Variants in SYT3 observed in about 807,000 individuals in gnomAD.
SYT3 encodes the protein synaptotagmin 3, also known as synaptotagmin-3.
In SYT3, 25 loss-of-function variants were observed where a neutral mutation model predicts 50.6. That is an observed-to-expected ratio of 0.49 (90% CI 0.36 to 0.69). The LOEUF (loss-of-function observed/expected upper bound fraction) is 0.69, where lower values mean the gene tolerates loss of function less well. SYT3 is among the 30% of genes least tolerant of loss of function. SYT3 has a pLI of 0.00. For synonymous variants in SYT3, 323 were observed against 353.9 expected (o/e 0.91, Z 0.98); for missense variants, 589 against 793.6 (o/e 0.74, Z 3.10).
intron 9 of SYT3, 176 bp downstream of exon 9, chr19:50,624,986 C>T: frequency 1.9e-6 from 1 of 523,000 alleles, no homozygotes; most frequent in East Asian, 3.4e-5. Context: ...TAAATTGAGG[C>T]ACAGAGCGCT....
chr19:50,623,836 T>A (rs182548058), intron 9 of SYT3, among the ~76,000 whole-genome samples: 2,046 of 150,792 alleles, frequency 0.014, 18 homozygotes, highest in Middle Eastern at 0.028. Context: ...TGCAAGATTT[T>A]AAAAAAAATC....
chr19:50,632,664 T>A lies in SYT3; in HGVS notation c.296A>T (p.Asp99Val), dbSNP rs780441588. Residue 99 changes from aspartate (D) to valine (V), a missense_variant, in exon 4 of 11, where the codon GAC becomes GTC. Coordinates refer to ENST00000600079, the MANE Select transcript of SYT3 (RefSeq NM_001160329.2). The surrounding 1 kb of genome is among the most constrained non-coding windows in gnomAD (Gnocchi z 4.7). ...TGCCAGCCCGACACCAGGGCCTAGGTCTTTGCGCAGGGGGCCACCGCCCAC... is the reference window on the plus strand; with the variant it reads ...TGCCAGCCCGACACCAGGGCCTAGGACTTTGCGCAGGGGGCCACCGCCCAC... Reference protein sequence around the residue: ...SAVGGGPLRKDLGPGVGLAGL... With the variant: ...SAVGGGPLRKVLGPGVGLAGL... 1 of 1,591,084 alleles carries A rather than the reference T, an allele frequency of 6.3e-7. No individual in the cohort carries two copies. The highest frequency in any genetic ancestry group is 1.7e-5 in the Admixed American group (1 of 58,954).
In SYT3 at chr19:50,632,880, A is replaced by G; in HGVS notation, c.149-69T>C. 1 of 1,322,974 alleles carries G rather than the reference A, an allele frequency of 7.6e-7. No individual in the cohort carries two copies. Among genetic ancestry groups the G allele is most frequent in the Non-Finnish European group, 1.0e-6 (1 of 1,003,494 alleles). 82.0% of individuals were successfully genotyped at this position (1,322,974 alleles called of 1,614,324 possible). On this transcript the variant is annotated intron_variant, in intron 3 of 10. Coordinates refer to ENST00000600079, the MANE Select transcript of SYT3 (RefSeq NM_001160329.2). The surrounding 1 kb of genome is among the most constrained non-coding windows in gnomAD (Gnocchi z 4.7). ...AGTACATCCTCCCTCTGCTGTCCCC[A>G]AAGAGTTAACCCTTCATATTTGCCA...
chr19:50,634,620 A>G (rs796510965), intron 3 of SYT3, among the ~76,000 whole-genome samples: 8 of 114,054 alleles, frequency 7.0e-5, no homozygotes, highest in African/African-American at 2.4e-4. Context: ...GTCTTGCTCT[A>G]TCATCCAGGC....
At chr19:50,630,421 C>T (rs2123009486) in intron 4 of SYT3, among the ~76,000 whole-genome samples, 1 of 128,360 alleles carries the variant, frequency 7.8e-6, no homozygotes, top group South Asian at 2.8e-4. Flanking sequence ...TTCCTTCCTT[C>T]CTTCTTTCCT....
Position 50,637,066 on chromosome 19 carries a change from G to A in SYT3, c.148+198C>T, listed in dbSNP as rs528391268. ...GTGGTAGTCGGAGGGAGGCCCACAGGGCAAAACTCAAAAAGCAGACCACAC... is the reference window on the plus strand; with the variant it reads ...GTGGTAGTCGGAGGGAGGCCCACAGAGCAAAACTCAAAAAGCAGACCACAC... On this transcript the variant is annotated intron_variant, in intron 3 of 10. Transcript: ENST00000600079. This position sits in a 1 kb window ranked among gnomAD's most constrained non-coding sequence, Gnocchi z 4.9. Among the ~76,000 whole-genome samples, 128 of 152,194 alleles carry A rather than the reference G, an allele frequency of 8.4e-4. No individual in the cohort carries two copies. The highest frequency in any genetic ancestry group is 3.1e-3 in the South Asian group (15 of 4,808).
At chr19:50,642,155 C>G (rs1451263239), upstream of SYT3, among the ~76,000 whole-genome samples, 1 of 152,168 alleles carries the variant, frequency 6.6e-6, no homozygotes, top group East Asian at 1.9e-4. Flanking sequence ...GAAGCATGTG[C>G]GGGTGTAAAC....
At chr19:50,653,681 AGCACAC>A in the SYT3 span, among the ~76,000 whole-genome samples, 1 of 120,646 alleles carries the variant, frequency 8.3e-6, no homozygotes, top group Admixed American at 1.0e-4. Context: ...AATGAGAGAC[AGCACAC>A]ACACACACAC....
At chr19:50,655,132 C>G in the SYT3 span, among the ~76,000 whole-genome samples, 93,007 of 151,994 alleles carry the variant, frequency 0.61, 29,778 homozygotes, top group Middle Eastern at 0.7. Context: ...GCCACACTTA[C>G]CTGCAAGGGA....
upstream of SYT3, among the ~76,000 whole-genome samples, chr19:50,641,261 G>C (rs961155092): frequency 1.0e-4 from 14 of 138,390 alleles, no homozygotes; most frequent in African/African-American, 3.3e-4. Context: ...CTCACTGAAA[G>C]CTCCGCCTCC....
the SYT3 span, among the ~76,000 whole-genome samples, chr19:50,654,240 T>C: frequency 2.0e-5 from 3 of 152,138 alleles, no homozygotes; most frequent in African/African-American, 7.2e-5. Context: ...TTTTCTTTTC[T>C]CCCTTGCTCC....
chr19:50,656,087 G>A, the SYT3 span: 6 of 1,536,054 alleles, frequency 3.9e-6, no homozygotes, highest in African/African-American at 8.2e-5. Context: ...CAGAGGAGAT[G>A]CAGGCTCGGA....
At chr19:50,640,722 G>GAA (rs1377157438), upstream of SYT3, among the ~76,000 whole-genome samples, 1 of 150,836 alleles carries the variant, frequency 6.6e-6, no homozygotes, top group African/African-American at 2.5e-5. Flanking sequence ...AATAGCTGAT[G>GAA]AGAAAAAAAA....
At chr19:50,652,602 T>C in the SYT3 span, among the ~76,000 whole-genome samples, 2 of 152,190 alleles carry the variant, frequency 1.3e-5, no homozygotes, top group African/African-American at 4.8e-5. Context: ...GTTTTTGGAC[T>C]GCAGCAGGTG....
Position 50,629,475 on chromosome 19 carries a change from G to A in SYT3, c.1100C>T (p.Thr367Met), listed in dbSNP as rs751298710. The A allele has an allele frequency of 5.6e-6, 9 of 1,613,990 alleles. 1 individual carries two copies. The highest frequency in any genetic ancestry group is 4.4e-5 in the South Asian group (4 of 91,074). ...GGCCAGGGGCACCGAGAATTGAAAC[G>A]TCTCATTGAAGACGGGGTTCAGGGT... is the stretch of plus-strand genomic sequence containing the variant. ...RKTLNPVFNETFQFSVPLAEL... is the reference protein window; with the variant it reads ...RKTLNPVFNEMFQFSVPLAEL... The change falls in exon 6 of 11, where the codon ACG (threonine) becomes ATG (methionine). Residue 367 changes from threonine to methionine, a missense_variant. Physicochemically the swap from Thr to Met is moderately conservative, Grantham distance 81. Transcript: ENST00000600079.
At chr19:50,623,396 A>G (rs1179101057) in intron 9 of SYT3, among the ~76,000 whole-genome samples, 1 of 152,150 alleles carries the variant, frequency 6.6e-6, no homozygotes, top group Non-Finnish European at 1.5e-5. Flanking sequence ...CAGCAGGGCC[A>G]GACTAAATCT....
chr19:50,653,921 C>A, the SYT3 span, among the ~76,000 whole-genome samples: 1 of 151,720 alleles, frequency 6.6e-6, no homozygotes, highest in African/African-American at 2.4e-5. Context: ...GTAGATGGAG[C>A]TAATGCTGGG....
In SYT3 at chr19:50,629,513, CTGG is replaced by C. The variant is rs775828310; in HGVS notation, c.1063-4_1063-2del. The C allele has an allele frequency of 1.9e-6, 3 of 1,612,116 alleles. No homozygotes were observed. Among genetic ancestry groups the C allele is most frequent in the Admixed American group, 1.7e-5 (1 of 59,818 alleles). On this transcript the variant is annotated splice_acceptor_variant and splice_polypyrimidine_tract_variant and intron_variant, in intron 5 of 10. Transcript: ENST00000600079. LOFTEE classifies it high-confidence loss of function. ...CGGGGTTCAGGGTCTTCCTGTGCAC[CTGG>C]TGGTGGTGGGCGACAGGAGACAGAC... is the stretch of plus-strand genomic sequence containing the variant.
At chr19:50,646,635 A>G in the SYT3 span, among the ~76,000 whole-genome samples, 1 of 152,016 alleles carries the variant, frequency 6.6e-6, no homozygotes, top group Admixed American at 6.6e-5. Context: ...GACAGAAAAC[A>G]CAACTGGTAG....
Sources: allele counts gnomAD v4.1 joint callset (sites outside exome capture counted in the v4.1 genomes callset), GRCh38; gene constraint gnomAD v4.1.1; non-coding constraint Gnocchi (gnomAD v3.1); transcripts MANE v1.5; gene names NCBI Gene and HGNC (gene_info 2026-07-23, HGNC 2026-07-21).